LRP1B: variants seen among roughly 807,000 people sequenced by gnomAD.
LRP1B encodes low-density lipoprotein receptor-related protein 1B.
In LRP1B, 217 loss-of-function variants were observed where a neutral mutation model predicts 556.6. That is an observed-to-expected ratio of 0.39 (90% confidence interval 0.35 to 0.44). LRP1B has a LOEUF of 0.44. Among genes scored for constraint, LRP1B ranks in the 20% least tolerant of loss-of-function variants. The pLI is 1.00. For synonymous variants in LRP1B, 2,047 were observed against 1,865.8 expected (o/e 1.10, Z -2.50); for missense variants, 5,053 against 5,620.8 (o/e 0.90, Z 3.23).
At chr2:140,482,890 G>A (rs996955471) in intron 59 of LRP1B, among the ~76,000 whole-genome samples, 35 of 152,204 alleles carry the variant, frequency 2.3e-4, no homozygotes, top group East Asian at 1.2e-3. Flanking sequence ...TATGCAAGTC[G>A]CAGTGGCAAT....
chr2:140,408,309 C>G (rs60695342), intron 66 of LRP1B, among the ~76,000 whole-genome samples: 21,373 of 151,728 alleles, frequency 0.14, 2,009 homozygotes, highest in African/African-American at 0.27. Context: ...AAAACCACTA[C>G]TATCCAAAAA....
chr2:141,984,842 C>G (rs1702141540), intron 1 of LRP1B, among the ~76,000 whole-genome samples: 1 of 152,050 alleles, frequency 6.6e-6, no homozygotes, highest in Non-Finnish European at 1.5e-5. Context: ...ATAAAATCCT[C>G]CAAAATAGGC....
intron 1 of LRP1B, among the ~76,000 whole-genome samples, chr2:141,880,292 A>G (rs1212934665): frequency 6.6e-6 from 1 of 151,454 alleles, no homozygotes; most frequent in African/African-American, 2.4e-5. Flanking sequence ...AATGCACCTA[A>G]TATTTGGCTA....
chr2:141,012,309 G>A (rs996070603), intron 14 of LRP1B, among the ~76,000 whole-genome samples: 8 of 152,002 alleles, frequency 5.3e-5, no homozygotes, highest in Admixed American at 2.0e-4. Flanking sequence ...AAATGTGATC[G>A]TATATTGATT....
intron 75 of LRP1B, 64 bp downstream of exon 75, chr2:140,356,278 G>C (rs1682210949): frequency 6.6e-7 from 1 of 1,512,932 alleles, no homozygotes; most frequent in Non-Finnish European, 9.1e-7. Context: ...TCACAATTTA[G>C]AAGTCTTGGG....
intron 27 of LRP1B, among the ~76,000 whole-genome samples, chr2:140,852,567 A>G (rs1692492242): frequency 6.6e-6 from 1 of 152,094 alleles, no homozygotes; most frequent in Non-Finnish European, 1.5e-5. Context: ...TTTCCTTCAA[A>G]CACGTGCTCT....
chr2:141,752,756 A>G (rs1192098746), intron 2 of LRP1B, among the ~76,000 whole-genome samples: 1 of 151,084 alleles, frequency 6.6e-6, no homozygotes, highest in Non-Finnish European at 1.5e-5. Flanking sequence ...CCTGGGCAAC[A>G]TGGAGAAACC....
chr2:140,311,968 G>A (rs183528764), intron 83 of LRP1B, among the ~76,000 whole-genome samples: 40 of 151,834 alleles, frequency 2.6e-4, no homozygotes, highest in Non-Finnish European at 2.5e-4. Flanking sequence ...AAAAATTCTG[G>A]TTTAACTTGA....
chr2:141,653,926 A>G (rs1484404734), intron 2 of LRP1B, among the ~76,000 whole-genome samples: 3 of 152,316 alleles, frequency 2.0e-5, no homozygotes, highest in South Asian at 2.1e-4. Flanking sequence ...CTTTGCTACA[A>G]TTGTTTGGGC....
At chr2:141,961,213 A>G (rs1023259022) in intron 1 of LRP1B, among the ~76,000 whole-genome samples, 1 of 151,694 alleles carries the variant, frequency 6.6e-6, no homozygotes, top group African/African-American at 2.4e-5. Flanking sequence ...AGTCATTGCA[A>G]CAAAGAATTT....
chr2:141,447,015 T>C (rs1161635666), intron 3 of LRP1B, among the ~76,000 whole-genome samples: 2 of 152,180 alleles, frequency 1.3e-5, no homozygotes, highest in African/African-American at 4.8e-5. Context: ...GTTTTCCAAC[T>C]TGGTTCCGTT....
chr2:141,077,245 C>T (rs1444303021), intron 7 of LRP1B, among the ~76,000 whole-genome samples: 1 of 145,866 alleles, frequency 6.9e-6, no homozygotes, highest in Non-Finnish European at 1.5e-5. Context: ...GAGACTCCAA[C>T]TAAAAAACAA....
At chr2:141,367,018 T>C (rs1459210212) in intron 3 of LRP1B, among the ~76,000 whole-genome samples, 8 of 152,230 alleles carry the variant, frequency 5.3e-5, no homozygotes, top group Non-Finnish European at 2.9e-5. Flanking sequence ...TTTGTTGTTA[T>C]GTGATTATGG....
chr2:140,507,111 T>C (rs1689452817), intron 52 of LRP1B, among the ~76,000 whole-genome samples, 193 bp from the exon 53 acceptor site: 1 of 152,188 alleles, frequency 6.6e-6, no homozygotes, highest in Non-Finnish European at 1.5e-5. Context: ...TGTCTGAATA[T>C]AAATACACAT....
intron 14 of LRP1B, among the ~76,000 whole-genome samples, chr2:141,006,001 C>T (rs77710802): frequency 0.11 from 16,450 of 151,842 alleles, 975 homozygotes; most frequent in East Asian, 0.22. Flanking sequence ...TTCACCAGGG[C>T]GAAAGTGTTC....
intron 7 of LRP1B, chr2:141,167,439 T>C (rs534471420): frequency 6.6e-6 from 1 of 151,970 alleles, no homozygotes; most frequent in African/African-American, 2.4e-5. Flanking sequence ...CAAAGAGGAA[T>C]TGAGAAGATA....
intron 1 of LRP1B, among the ~76,000 whole-genome samples, chr2:141,916,760 A>T (rs1036606054): frequency 3.9e-5 from 6 of 152,038 alleles, no homozygotes; most frequent in Admixed American, 1.3e-4. Flanking sequence ...GACACTGGGA[A>T]CTACTAGAGT....
At chr2:140,574,398 T>A (rs1002604513) in intron 43 of LRP1B, among the ~76,000 whole-genome samples, 4 of 152,094 alleles carry the variant, frequency 2.6e-5, no homozygotes, top group Non-Finnish European at 5.9e-5. Context: ...ACTTTGACCA[T>A]TCTACACAAT....
intron 3 of LRP1B, among the ~76,000 whole-genome samples, chr2:141,472,879 G>C (rs1412277380): frequency 1.3e-5 from 2 of 152,040 alleles, no homozygotes; most frequent in African/African-American, 4.8e-5. Context: ...TGGAGGAAGA[G>C]AACATGTTTT....
Sources: allele counts gnomAD v4.1 joint callset (sites outside exome capture counted in the v4.1 genomes callset), GRCh38; gene constraint gnomAD v4.1.1; transcripts MANE v1.5; gene names NCBI Gene and HGNC (gene_info 2026-07-23, HGNC 2026-07-21).